DENND5B: variants seen among roughly 807,000 people sequenced by gnomAD.
DENND5B encodes the protein DENN domain containing 5B, also known as DENN domain-containing protein 5B.
Under a neutral mutation model 140.6 loss-of-function variants are expected in DENND5B, and 34 were observed. The ratio of observed to expected loss-of-function variants is 0.24; its 90% CI spans 0.18 to 0.32. The LOEUF is 0.32. Ranked by LOEUF, DENND5B falls within the 10% of genes least tolerant of loss-of-function variation. The pLI is 1.00. For missense variants in DENND5B, 1,142 were observed against 1,560.2 expected, an observed-to-expected ratio of 0.73 and a Z score of 4.52; for synonymous variants, 551 against 562.1, an observed-to-expected ratio of 0.98 and a Z score of 0.28.
chr12:31,480,177 T>G lies in DENND5B; in HGVS notation c.316A>C (p.Arg106=), dbSNP rs748977474. The change falls in exon 3 of 21, where the codon AGG becomes CGG. Residue 106 remains arginine (R), a synonymous_variant. Transcript: ENST00000389082. ...CCATAGGTGCGAGAACCATCTTCCC[T>G]GGTAATTATAAATGAGTGAAACTGG... is the stretch of plus-strand genomic sequence containing the variant. The part of the protein sequence containing the change: ...DPQFHSFIIT[R]EDGSRTYGFV... 1 of 1,603,760 alleles carries G rather than the reference T, an allele frequency of 6.2e-7. No homozygotes were observed. The highest frequency in any genetic ancestry group is 1.1e-5 in the South Asian group (1 of 89,284).
chr12:31,479,232 G>A (rs978593177), intron 3 of DENND5B, among the ~76,000 whole-genome samples: 7 of 152,118 alleles, frequency 4.6e-5, no homozygotes, highest in Admixed American at 3.3e-4. Context: ...AAGTCTACAC[G>A]TTTCTGGTAG....
Position 31,508,947 on chromosome 12 carries a change from G to C in DENND5B, c.128-13028C>G, listed in dbSNP as rs1211520631. Reference sequence around the variant, plus strand: ...ATAGAAAAAAGTCAAGTCACCTTTGGGGGAGGGGCGAGGTGGAGCCATTTT... The same window carrying C: ...ATAGAAAAAAGTCAAGTCACCTTTGCGGGAGGGGCGAGGTGGAGCCATTTT... On this transcript the variant is annotated intron_variant, in intron 1 of 20. Transcript: ENST00000389082. Among the ~76,000 whole-genome samples, 159 of 152,016 alleles carry C rather than the reference G, an allele frequency of 1.0e-3. 1 individual carries two copies. Among genetic ancestry groups the C allele is most frequent in the Non-Finnish European group, 8.8e-5 (6 of 67,996 alleles).
chr12:31,570,139 G>A (rs1294045383), intron 1 of DENND5B, among the ~76,000 whole-genome samples: 2 of 148,380 alleles, frequency 1.3e-5, no homozygotes, highest in Non-Finnish European at 3.0e-5. Context: ...AGGTTGCAGT[G>A]AGCCAAGATC....
chr12:31,543,721 GT>G (rs1420495130), intron 1 of DENND5B, among the ~76,000 whole-genome samples: 1 of 152,196 alleles, frequency 6.6e-6, no homozygotes, highest in Non-Finnish European at 1.5e-5. Flanking sequence ...GAAAGGGAAT[GT>G]TTATTCAATA....
intron 1 of DENND5B, among the ~76,000 whole-genome samples, chr12:31,578,612 G>C (rs1458774824): frequency 6.6e-6 from 1 of 152,182 alleles, no homozygotes; most frequent in Non-Finnish European, 1.5e-5. Flanking sequence ...TATCATTAGA[G>C]GGAAGACCTT....
chr12:31,536,582 G>C (rs1301507985), intron 1 of DENND5B, among the ~76,000 whole-genome samples: 2 of 151,848 alleles, frequency 1.3e-5, no homozygotes, highest in Non-Finnish European at 2.9e-5. Flanking sequence ...CTAGAAAATA[G>C]CCTCAAAAGG....
chr12:31,485,450 T>C (rs1946263239), intron 2 of DENND5B, among the ~76,000 whole-genome samples: 1 of 152,248 alleles, frequency 6.6e-6, no homozygotes, highest in African/African-American at 2.4e-5. Context: ...TTGGCAAAAA[T>C]GTGTTGATTG....
intron 8 of DENND5B, among the ~76,000 whole-genome samples, chr12:31,427,488 C>T (rs1434402326): frequency 2.0e-5 from 3 of 151,954 alleles, no homozygotes; most frequent in Non-Finnish European, 2.9e-5. Flanking sequence ...CGTCTGTAAT[C>T]CCAGCTACTC....
chr12:31,508,444 A>G (rs1947287228), intron 1 of DENND5B, among the ~76,000 whole-genome samples: 1 of 152,188 alleles, frequency 6.6e-6, no homozygotes, highest in African/African-American at 2.4e-5. Flanking sequence ...TTGTTCTACT[A>G]ATGTAAAATA....
At chr12:31,549,048 A>C (rs1948951889) in intron 1 of DENND5B, among the ~76,000 whole-genome samples, 1 of 152,124 alleles carries the variant, frequency 6.6e-6, no homozygotes, top group Non-Finnish European at 1.5e-5. Flanking sequence ...GGCACCTGCC[A>C]CTATACCTGG....
intron 1 of DENND5B, among the ~76,000 whole-genome samples, chr12:31,572,541 A>C (rs1276227358): frequency 1.8e-4 from 1 of 5,530 alleles, no homozygotes; most frequent in African/African-American, 8.0e-4. Flanking sequence ...CTCTTTCTCA[A>C]AAAAAAAAAA....
chr12:31,526,433 A>G (rs965858383), intron 1 of DENND5B, among the ~76,000 whole-genome samples: 3 of 152,220 alleles, frequency 2.0e-5, no homozygotes, highest in Non-Finnish European at 4.4e-5. Flanking sequence ...GATCTTGTCT[A>G]AAGTTCAACA....
At chr12:31,505,643 T>C (rs1031885814) in intron 1 of DENND5B, among the ~76,000 whole-genome samples, 2 of 152,100 alleles carry the variant, frequency 1.3e-5, no homozygotes, top group Non-Finnish European at 2.9e-5. Context: ...GACAAGCTTG[T>C]TATCCTTTCT....
At chr12:31,578,126 CAAA>C (rs5797421) in intron 1 of DENND5B, among the ~76,000 whole-genome samples, 104 of 77,308 alleles carry the variant, frequency 1.3e-3, no homozygotes, top group East Asian at 0.011. Context: ...GACGCTGTCT[CAAA>C]AAAAAAAAAA....
At chr12:31,431,623 G>T (rs574287310) in intron 8 of DENND5B, among the ~76,000 whole-genome samples, 11 of 152,230 alleles carry the variant, frequency 7.2e-5, no homozygotes, top group African/African-American at 2.6e-4. Flanking sequence ...AGACCAGGAA[G>T]GGGAAATTAA....
chr12:31,532,249 C>G (rs1948313458), intron 1 of DENND5B, among the ~76,000 whole-genome samples: 1 of 152,040 alleles, frequency 6.6e-6, no homozygotes, highest in African/African-American at 2.4e-5. Flanking sequence ...AATAATTAGT[C>G]ATTAATTAGG....
chr12:31,563,928 C>A (rs1015832377), intron 1 of DENND5B, among the ~76,000 whole-genome samples: 2 of 152,036 alleles, frequency 1.3e-5, no homozygotes, highest in South Asian at 4.1e-4. Flanking sequence ...ACCAGCCTGG[C>A]CAATGTGGTG....
intron 3 of DENND5B, among the ~76,000 whole-genome samples, chr12:31,475,849 T>C (rs2617178): frequency 0.83 from 126,994 of 152,176 alleles, 53,589 homozygotes; most frequent in African/African-American, 0.96. Flanking sequence ...GTGGGCCGGG[T>C]GCGGTGGCTT....
chr12:31,447,470 G>A (rs1039524340), intron 6 of DENND5B, 68 bp downstream of exon 6: 11 of 1,374,218 alleles, frequency 8.0e-6, no homozygotes, highest in Non-Finnish European at 1.1e-5. Context: ...TTGTACGTAA[G>A]GCCAGCAATT....
Sources: gnomAD v4.1 joint callset for allele counts (sites outside exome capture counted in the v4.1 genomes callset) on GRCh38, gnomAD v4.1.1 for gene constraint, MANE v1.5 for transcripts, NCBI Gene and HGNC (gene_info 2026-07-23, HGNC 2026-07-21) for gene names.